Variants in AUH observed in about 807,000 individuals in gnomAD.
AUH encodes methylglutaconyl-CoA hydratase, mitochondrial.
In AUH, 29 loss-of-function variants were observed where a neutral mutation model predicts 42.3. The ratio of observed to expected loss-of-function variants is 0.69; its 90% CI spans 0.51 to 0.93. AUH has a LOEUF of 0.93. Ranked by LOEUF, AUH falls within the 40% of genes least tolerant of loss-of-function variation. The pLI, the probability that AUH is intolerant of heterozygous loss-of-function variation, is 0.00. For missense variants in AUH, 452 were observed against 438.1 expected, an observed-to-expected ratio of 1.03 and a Z score of -0.28; for synonymous variants, 174 against 166.4, an observed-to-expected ratio of 1.05 and a Z score of -0.35.
intron 6 of AUH, among the ~76,000 whole-genome samples, chr9:91,273,093 G>A (rs922597919): frequency 2.6e-5 from 4 of 152,128 alleles, no homozygotes; most frequent in African/African-American, 9.7e-5. Flanking sequence ...CAGGAATGCT[G>A]AAGAATTATG....
rs1041085485 is a variant in AUH, at chr9:91,361,638, C to T, written c.252G>A (p.Glu84=). ...EDELRVRHLE[E]ENRGIVVLGI... ...GCGTTCGCACCTCACCTCGGTTCTC[C>T]TCCTCCAGGTGCCGCACCCGCAGCT... is the stretch of plus-strand genomic sequence containing the variant. Residue 84 remains glutamate (E), a synonymous_variant, in exon 1 of 10, where the codon GAG becomes GAA. Coordinates refer to ENST00000375731, the MANE Select transcript of AUH (RefSeq NM_001698.3). The T allele has an allele frequency of 2.5e-6, 4 of 1,583,582 alleles. No individual in the cohort carries two copies. Among genetic ancestry groups the T allele is most frequent in the African/African-American group, 1.4e-5 (1 of 73,916 alleles).
At chr9:91,236,697 G>A (rs1047354568) in intron 6 of AUH, among the ~76,000 whole-genome samples, 4 of 152,162 alleles carry the variant, frequency 2.6e-5, no homozygotes, top group Admixed American at 6.5e-5. Flanking sequence ...GAAGGAGGAA[G>A]AGATCCCTGC....
intron 4 of AUH, among the ~76,000 whole-genome samples, chr9:91,300,463 C>T (rs1433064250): frequency 6.6e-6 from 1 of 152,150 alleles, no homozygotes; most frequent in African/African-American, 2.4e-5. Flanking sequence ...CTTGCCAATG[C>T]CCTTTTCTAC....
At position 91,278,102 on chromosome 9, in the gene AUH, G is replaced by A. The variant is rs143867279; in HGVS notation, c.655+17919C>T. Among the ~76,000 whole-genome samples the A allele has an allele frequency of 6.2e-4, 94 of 152,252 alleles. 2 individuals are homozygous for A. In the Middle Eastern group the frequency reaches 0.034, roughly 55 times the overall value. On this transcript the variant is annotated intron_variant, in intron 6 of 9. Transcript: ENST00000375731. ...GGTAGAAGACCAAGGGGAAGAAATT[G>A]TAGGAAAAGAAAACAACGGAGGGCT...
At chr9:91,238,303 C>A (rs1163452248) in intron 6 of AUH, among the ~76,000 whole-genome samples, 1 of 152,140 alleles carries the variant, frequency 6.6e-6, no homozygotes, top group Non-Finnish European at 1.5e-5. Context: ...ATCAGGTCTG[C>A]AAACCAAATA....
chr9:91,247,442 C>CA (rs1293805280), intron 6 of AUH, among the ~76,000 whole-genome samples: 1 of 152,144 alleles, frequency 6.6e-6, no homozygotes, highest in African/African-American at 2.4e-5. Context: ...TGCACGCCTA[C>CA]AGTACCTCAA....
chr9:91,267,995 C>A (rs1830068544), intron 6 of AUH, among the ~76,000 whole-genome samples: 1 of 152,142 alleles, frequency 6.6e-6, no homozygotes, highest in African/African-American at 2.4e-5. Flanking sequence ...CCAGTTTCAG[C>A]TACGGGCTGC....
chr9:91,264,611 T>C (rs1478698432), intron 6 of AUH, among the ~76,000 whole-genome samples: 2 of 152,172 alleles, frequency 1.3e-5, no homozygotes, highest in Non-Finnish European at 2.9e-5. Context: ...TACTCAACTA[T>C]CTTTCTGATA....
intron 6 of AUH, among the ~76,000 whole-genome samples, chr9:91,230,865 C>T (rs7031841): frequency 0.024 from 3,697 of 152,276 alleles, 73 homozygotes; most frequent in East Asian, 0.058. Context: ...TTAGGCTGCT[C>T]GGGGCTCAGG....
At chr9:91,256,412 T>C (rs1400123049) in intron 6 of AUH, among the ~76,000 whole-genome samples, 1 of 152,046 alleles carries the variant, frequency 6.6e-6, no homozygotes, top group East Asian at 1.9e-4. Context: ...GAGCCTGCCC[T>C]CCTTTGGTGC....
At chr9:91,310,524 G>A (rs1175008453) in intron 4 of AUH, among the ~76,000 whole-genome samples, 3 of 152,198 alleles carry the variant, frequency 2.0e-5, no homozygotes, top group Non-Finnish European at 4.4e-5. Flanking sequence ...AGATGGTAGA[G>A]AGAATCCACA....
At chr9:91,360,064 TTTTA>T (rs1018714589) in intron 1 of AUH, among the ~76,000 whole-genome samples, 13 of 152,252 alleles carry the variant, frequency 8.5e-5, no homozygotes, top group African/African-American at 3.1e-4. Flanking sequence ...GTTTATTATC[TTTTA>T]TTATCTGATA....
At chr9:91,270,897 T>C (rs1258122690) in intron 6 of AUH, among the ~76,000 whole-genome samples, 2 of 152,176 alleles carry the variant, frequency 1.3e-5, no homozygotes, top group Non-Finnish European at 2.9e-5. Flanking sequence ...TGGAGGTTGC[T>C]ACTGCCCAAT....
chr9:91,225,545 T>TATTA (rs1554690251), intron 6 of AUH, among the ~76,000 whole-genome samples: 2 of 151,700 alleles, frequency 1.3e-5, no homozygotes, highest in African/African-American at 2.4e-5. Flanking sequence ...GTTCTTTTTT[T>TATTA]TTATTATTAT....
intron 3 of AUH, among the ~76,000 whole-genome samples, chr9:91,332,836 G>A (rs1441578034): frequency 1.3e-5 from 2 of 152,196 alleles, no homozygotes; most frequent in Admixed American, 1.3e-4. Flanking sequence ...GGGGGCGTGA[G>A]CATGGCCCGA....
At chr9:91,232,878 T>C (rs1224692092) in intron 6 of AUH, among the ~76,000 whole-genome samples, 1 of 152,260 alleles carries the variant, frequency 6.6e-6, no homozygotes, top group East Asian at 1.9e-4. Flanking sequence ...GGTGGAGAGA[T>C]AATTCTCTTA....
chr9:91,277,642 G>A (rs1253510122), intron 6 of AUH, among the ~76,000 whole-genome samples: 1 of 152,046 alleles, frequency 6.6e-6, no homozygotes, highest in East Asian at 1.9e-4. Flanking sequence ...TTTCTAAATG[G>A]CAGGCATCAA....
chr9:91,258,157 T>C (rs955450693), intron 6 of AUH, among the ~76,000 whole-genome samples: 1 of 152,250 alleles, frequency 6.6e-6, no homozygotes, highest in African/African-American at 2.4e-5. Flanking sequence ...TGGTAGACTC[T>C]TTAAAATTTT....
At chr9:91,224,534 G>C (rs1276365832) in intron 6 of AUH, among the ~76,000 whole-genome samples, 11 of 152,130 alleles carry the variant, frequency 7.2e-5, no homozygotes, top group Admixed American at 7.2e-4. Flanking sequence ...CAAATCCAAT[G>C]TTATAAAGCT....
Sources: allele counts gnomAD v4.1 joint callset (sites outside exome capture counted in the v4.1 genomes callset), GRCh38; gene constraint gnomAD v4.1.1; transcripts MANE v1.5; gene names NCBI Gene and HGNC (gene_info 2026-07-23, HGNC 2026-07-21).